VPS26B: variants seen among roughly 807,000 people sequenced by gnomAD.
VPS26B encodes VPS26 retromer complex component B.
Under a neutral mutation model 33.3 loss-of-function variants are expected in VPS26B, and 10 were observed. That is an observed-to-expected ratio of 0.30 (90% CI 0.19 to 0.51). The LOEUF (loss-of-function observed/expected upper bound fraction) is 0.51. Ranked by LOEUF, VPS26B falls within the 20% of genes least tolerant of loss-of-function variation. VPS26B has a pLI of 0.98. For missense variants in VPS26B, 317 were observed against 452.7 expected (o/e 0.70, Z 2.72); for synonymous variants, 190 against 176.9 (o/e 1.07, Z -0.59).
chr11:134,225,802 A>G (rs766487502), intron 1 of VPS26B, among the ~76,000 whole-genome samples: 1 of 152,086 alleles, frequency 6.6e-6, no homozygotes, highest in Non-Finnish European at 1.5e-5. Context: ...TCGTCCACCG[A>G]GCCCCACTTC....
At chr11:134,238,781 G>A (rs1215342887) in intron 2 of VPS26B, among the ~76,000 whole-genome samples, 1 of 151,756 alleles carries the variant, frequency 6.6e-6, no homozygotes, top group African/African-American at 2.4e-5. Context: ...ATTTTTAGTA[G>A]AGACGGGGTT....
chr11:134,241,507 T>C (rs1938725139), intron 3 of VPS26B, among the ~76,000 whole-genome samples: 1 of 152,182 alleles, frequency 6.6e-6, no homozygotes, highest in Admixed American at 6.5e-5. Context: ...GGGCCTGGCA[T>C]GGGAACAGGT....
Position 134,225,048 on chromosome 11 carries a change from T to G in VPS26B, c.-75T>G, listed in dbSNP as rs1938412932. ...CGCTCGCGCATCGGGCCCTCTGGCC[T>G]TCTTTACCTAGGGCAGCCCGCGCCC... On this transcript the variant is annotated 5_prime_UTR_variant, in exon 1 of 6. Transcript: ENST00000281187. The G allele has an allele frequency of 3.5e-6, 5 of 1,434,064 alleles. No homozygotes were observed. Among genetic ancestry groups the G allele is most frequent in the Non-Finnish European group, 4.6e-6 (5 of 1,075,582 alleles). The allele number at this position is 1,434,064 out of a possible 1,614,324, so 88.8% of individuals were successfully genotyped here. A position where few individuals can be genotyped will look rare whatever the true frequency, so the allele number is the denominator to read the frequency against.
chr11:134,240,057 T>C lies in VPS26B; in HGVS notation c.447T>C (p.Val149=). ...NDVVKEMDIV[V]HTLSTYPELN... is the part of the protein sequence containing the mutation. ...TTGTCAAAGAGATGGACATTGTAGT[T>C]CACACACTCAGCACATACCCAGAGC... Residue 149 remains valine (V), a synonymous_variant, in exon 3 of 6, where the codon GTT becomes GTC. Coordinates refer to ENST00000281187, the MANE Select transcript of VPS26B (RefSeq NM_052875.5). This position sits in a 1 kb window ranked among gnomAD's most constrained non-coding sequence, Gnocchi z 4.4. 6.2e-7 allele frequency: 1 copy of C among 1,614,218 alleles called. No homozygotes were observed.
intron 4 of VPS26B, chr11:134,243,874 G>A (rs543808653): frequency 6.6e-6 from 1 of 152,418 alleles, no homozygotes; most frequent in Non-Finnish European, 1.5e-5. Context: ...TTTGTCATTT[G>A]GGGACCGTGA....
intron 3 of VPS26B, among the ~76,000 whole-genome samples, chr11:134,242,320 C>A (rs974341630): frequency 6.6e-6 from 1 of 152,176 alleles, no homozygotes; most frequent in Non-Finnish European, 1.5e-5. Flanking sequence ...CTTTCTCTAC[C>A]CCCTACTCAC....
Position 134,245,307 on chromosome 11 carries a change from C to A in VPS26B, c.865-137C>A, listed in dbSNP as rs1005298874. On this transcript the variant is annotated intron_variant, in intron 5 of 5. Coordinates refer to ENST00000281187, the MANE Select transcript of VPS26B (RefSeq NM_052875.5). This position sits in a 1 kb window ranked among gnomAD's most constrained non-coding sequence, Gnocchi z 4.7. ...CACACCAGGGACAGGGAGGTGCTGG[C>A]AGCTGCTGCCTTTGGTGAGAGAGAA... The A allele has an allele frequency of 1.5e-6, 2 of 1,371,218 alleles. No homozygotes were observed. Among genetic ancestry groups the A allele is most frequent in the African/African-American group, 1.4e-5 (1 of 69,294 alleles). 84.9% of individuals were successfully genotyped at this position (1,371,218 alleles called of 1,614,324 possible). A position where few individuals can be genotyped will look rare whatever the true frequency, so the allele number is the denominator to read the frequency against.
intron 1 of VPS26B, among the ~76,000 whole-genome samples, chr11:134,231,478 G>C (rs1938554139): frequency 6.6e-6 from 1 of 152,174 alleles, no homozygotes; most frequent in South Asian, 2.1e-4. Context: ...TGGCAGACAG[G>C]AGTAGGGTGT....
chr11:134,235,270 C>T (rs898678794), intron 2 of VPS26B: 9 of 458,314 alleles, frequency 2.0e-5, no homozygotes, highest in East Asian at 3.9e-5. Context: ...TACATAGCCC[C>T]GCCATGGCCA....
chr11:134,235,861 T>C (rs1482055870), intron 2 of VPS26B, among the ~76,000 whole-genome samples: 1 of 152,218 alleles, frequency 6.6e-6, no homozygotes, highest in African/African-American at 2.4e-5. Context: ...GGTTATGTGA[T>C]GCTACTGGGA....
At position 134,246,520 on chromosome 11, in the gene VPS26B, T is replaced by A. The variant is rs1938825783; in HGVS notation, c.*930T>A. The stretch of plus-strand genomic sequence containing the variant: ...AGTGAACCCTCGTCTCTCCTCACCC[T>A]CCATTTCATTTCTGGGAATTGGGGC... On this transcript the variant is annotated 3_prime_UTR_variant, in exon 6 of 6. Coordinates refer to ENST00000281187, the MANE Select transcript of VPS26B (RefSeq NM_052875.5). The A allele has an allele frequency of 6.6e-6, 1 of 152,250 alleles. No individual in the cohort carries two copies. The highest frequency in any genetic ancestry group is 2.1e-4 in the South Asian group (1 of 4,816). The allele number at this position is 152,250 out of a possible 1,614,324, so 9.4% of individuals were successfully genotyped here.
chr11:134,233,418 CAG>C (rs1938585077), intron 1 of VPS26B, among the ~76,000 whole-genome samples: 2 of 152,182 alleles, frequency 1.3e-5, no homozygotes, highest in Non-Finnish European at 2.9e-5. Flanking sequence ...TGCATAGCCA[CAG>C]TCAGTATTAA....
chr11:134,231,117 C>G (rs1258725144), intron 1 of VPS26B, among the ~76,000 whole-genome samples: 1 of 152,172 alleles, frequency 6.6e-6, no homozygotes, highest in Non-Finnish European at 1.5e-5. Context: ...CCTGGGCCGC[C>G]TTGGAGACTA....
rs1448398533 is a variant in VPS26B, at chr11:134,246,393, C to A, written c.*803C>A. ...TGGTAACCCCAAGGTCTGGGCTGTT[C>A]TAGGTATTGCTTCACGTGCCCCAGC... On this transcript the variant is annotated 3_prime_UTR_variant, in exon 6 of 6. Transcript: ENST00000281187. 2 of 152,158 alleles carry A rather than the reference C, an allele frequency of 1.3e-5. No individual in the cohort carries two copies. The highest frequency in any genetic ancestry group is 2.9e-5 in the Non-Finnish European group (2 of 68,050). 9.4% of individuals were successfully genotyped at this position (152,158 alleles called of 1,614,324 possible).
intron 2 of VPS26B, among the ~76,000 whole-genome samples, chr11:134,237,097 G>A (rs1418506238): frequency 6.6e-6 from 1 of 152,214 alleles, no homozygotes; most frequent in Non-Finnish European, 1.5e-5. Context: ...GTAACTTCCA[G>A]ATTAAAAGCT....
At position 134,235,036 on chromosome 11, in the gene VPS26B, G is replaced by A. The variant is rs1451512438; in HGVS notation, c.363G>A (p.Gly121=). 3.7e-6 allele frequency: 6 copies of A among 1,613,700 alleles called. No homozygotes were observed. The highest frequency in any genetic ancestry group is 2.2e-5 in the South Asian group (2 of 91,040). ...HVEKPYESYT[G]QNVKLRYFLR... is the part of the protein sequence containing the mutation. The stretch of plus-strand genomic sequence containing the variant: ...AGAAGCCGTATGAGTCCTACACAGG[G>A]CAGAATGTGAAGCTACGGTAAGTGA... Residue 121 remains glycine (G), a synonymous_variant, in exon 2 of 6, where the codon GGG becomes GGA. Coordinates refer to ENST00000281187, the MANE Select transcript of VPS26B (RefSeq NM_052875.5).
intron 1 of VPS26B, among the ~76,000 whole-genome samples, chr11:134,233,253 G>C (rs545095122): frequency 6.9e-4 from 105 of 152,272 alleles, no homozygotes; most frequent in African/African-American, 2.4e-3. Context: ...CTGTGGACTC[G>C]CCTCTTCCTC....
At chr11:134,239,949 G>T (rs1386847863) in intron 2 of VPS26B, 42 bp from the exon 3 acceptor site, 2 of 1,612,970 alleles carry the variant, frequency 1.2e-6, no homozygotes, top group African/African-American at 2.7e-5. Flanking sequence ...GTAGCATCTG[G>T]AGACTGGGAG....
intron 1 of VPS26B, among the ~76,000 whole-genome samples, chr11:134,232,333 C>G (rs978559735): frequency 3.3e-5 from 5 of 152,194 alleles, no homozygotes; most frequent in African/African-American, 9.7e-5. Flanking sequence ...AACTTTCTGG[C>G]AAATAGGAAG....
Sources: allele counts gnomAD v4.1 joint callset (sites outside exome capture counted in the v4.1 genomes callset), GRCh38; gene constraint gnomAD v4.1.1; non-coding constraint Gnocchi (gnomAD v3.1); transcripts MANE v1.5; gene names NCBI Gene and HGNC (gene_info 2026-07-23, HGNC 2026-07-21).